The following EVX1 variants were observed in gnomAD, a reference collection of about 807,000 sequenced individuals.
The protein encoded by EVX1 is even-skipped homeobox 1.
EVX1 carries 19 observed loss-of-function variants against 28.6 expected under a neutral mutation model. The ratio of observed to expected loss-of-function variants is 0.67; its 90% confidence interval spans 0.46 to 0.98. The LOEUF is 0.98. Ranked by LOEUF, EVX1 falls within the 50% of genes least tolerant of loss-of-function variation. The pLI is 0.00. For missense variants in EVX1, 660 were observed against 583.0 expected, an observed-to-expected ratio of 1.13 and a Z score of -1.36; for synonymous variants, 324 against 278.2, an observed-to-expected ratio of 1.16 and a Z score of -1.64.
Position 27,246,198 on chromosome 7 carries a change from C to G in EVX1, c.997C>G (p.Pro333Ala). 9 of 1,498,274 alleles carry G rather than the reference C, an allele frequency of 6.0e-6. No individual in the cohort carries two copies. The highest frequency in any genetic ancestry group is 7.9e-6 in the Non-Finnish European group (9 of 1,133,802). The allele number at this position is 1,498,274 out of a possible 1,614,324, so 92.8% of individuals were successfully genotyped here. A position where few individuals can be genotyped will look rare whatever the true frequency, so the allele number is the denominator to read the frequency against. The change falls in exon 3 of 3, where the codon CCC becomes GCC. Residue 333 changes from proline to alanine, a missense_variant. Transcript: ENST00000496902. ...LCAFRHPPLY[P>A]GPAHGLGASA... is the part of the protein sequence containing the mutation. Reference sequence around the variant, plus strand: ...CGCCTTCCGCCACCCGCCGCTCTACCCCGGGCCCGCGCACGGACTGGGCGC... The same window carrying G: ...CGCCTTCCGCCACCCGCCGCTCTACGCCGGGCCCGCGCACGGACTGGGCGC...
Position 27,246,133 on chromosome 7 carries a change from G to T in EVX1, c.932G>T (p.Arg311Leu), listed in dbSNP as rs760694492. ...SGSLRPLDTFRVLSQPYPRPE... is the reference protein window; with the variant it reads ...SGSLRPLDTFLVLSQPYPRPE... ...TCGCTGCGCCCGCTCGACACGTTCC[G>T]CGTGCTGTCGCAGCCCTACCCGCGG... Residue 311 changes from arginine to leucine, a missense_variant, in exon 3 of 3, where the codon CGC (arginine) becomes CTC (leucine). Arg to Leu is a moderately radical substitution (Grantham distance 102, BLOSUM62 -2). Coordinates refer to ENST00000496902, the MANE Select transcript of EVX1 (RefSeq NM_001989.5). The T allele has an allele frequency of 9.8e-6, 15 of 1,530,482 alleles. No individual in the cohort carries two copies. In the African/African-American group the frequency reaches 2.0e-4, roughly 20 times the overall value. 94.8% of individuals were successfully genotyped at this position (1,530,482 alleles called of 1,614,324 possible). A position where few individuals can be genotyped will look rare whatever the true frequency, so the allele number is the denominator to read the frequency against.
Position 27,242,915 on chromosome 7 carries a change from A to AC in EVX1, c.-113dup, listed in dbSNP as rs1285988427. ...CCAGCAGCTCCGCGCCCTCCCAGGC[A>AC]CCCGGCCTTTCTTTCTCCCTCTTGC... On this transcript the variant is annotated 5_prime_UTR_variant, in exon 1 of 3. Coordinates refer to ENST00000496902, the MANE Select transcript of EVX1 (RefSeq NM_001989.5). 1 of 1,192,842 alleles carries AC rather than the reference A, an allele frequency of 8.4e-7. No individual in the cohort carries two copies. Among genetic ancestry groups the AC allele is most frequent in the Admixed American group, 3.2e-5 (1 of 30,984 alleles). 73.9% of individuals were successfully genotyped at this position (1,192,842 alleles called of 1,614,324 possible).
chr7:27,244,284 G>A (rs1783107809), intron 1 of EVX1, among the ~76,000 whole-genome samples: 1 of 152,036 alleles, frequency 6.6e-6, no homozygotes, highest in African/African-American at 2.4e-5. Context: ...AGAAAACTGG[G>A]CGCGGGTTGG....
chr7:27,244,564 A>C (rs1309052618), intron 1 of EVX1: 1 of 894,586 alleles, frequency 1.1e-6, no homozygotes, highest in Non-Finnish European at 1.3e-6. Context: ...CAGCCCTGCA[A>C]TACACGGAAC....
chr7:27,243,310 C>T lies in EVX1; in HGVS notation c.280C>T (p.Pro94Ser). ...PQVAGAAMLG[P>S]GPPAPSVDSL... ...GGTAGCTGGGGCGGCCATGCTCGGC[C>T]CAGGACCCCCGGCCCCCTCAGTCGA... The change falls in exon 1 of 3, where the codon CCA becomes TCA. Residue 94 changes from proline to serine, a missense_variant. Around this residue, in one of 3 missense-constraint regions of EVX1, gnomAD observed 308 missense variants for 256.6 expected, o/e 1.20. Transcript: ENST00000496902. 2 of 1,573,820 alleles carry T rather than the reference C, an allele frequency of 1.3e-6. No individual in the cohort carries two copies. The highest frequency in any genetic ancestry group is 2.3e-5 in the South Asian group (2 of 86,986).
Position 27,244,298 on chromosome 7 carries a change from G to C in EVX1, c.428-750G>C, listed in dbSNP as rs546499506. Among the ~76,000 whole-genome samples, 53 of 152,212 alleles carry C rather than the reference G, an allele frequency of 3.5e-4. No homozygotes were observed. In the East Asian group the frequency reaches 7.0e-3, roughly 20 times the overall value. On this transcript the variant is annotated intron_variant, in intron 1 of 2. Coordinates refer to ENST00000496902, the MANE Select transcript of EVX1 (RefSeq NM_001989.5). ...TAGAAAACTGGGCGCGGGTTGGTGG[G>C]GGGGAGGAGAGGGGAGCCCACCAGC...
At chr7:27,245,825 T>C in intron 2 of EVX1, 61 bp from the exon 3 acceptor site, 1 of 1,569,930 alleles carries the variant, frequency 6.4e-7, no homozygotes, top group Non-Finnish European at 8.6e-7. Flanking sequence ...GGGACCAGAC[T>C]ACTGGCCTCT....
At chr7:27,244,343 T>C (rs1187721384) in intron 1 of EVX1, 1 of 204,550 alleles carries the variant, frequency 4.9e-6, no homozygotes, top group Non-Finnish European at 8.2e-6. Flanking sequence ...TCCACAGAAC[T>C]GTAGGAGTGG....
Position 27,243,187 on chromosome 7 carries a change from G to T in EVX1, c.157G>T (p.Val53Phe), listed in dbSNP as rs1291289182. 1.7e-5 allele frequency: 27 copies of T among 1,567,004 alleles called. No individual in the cohort carries two copies. The highest frequency in any genetic ancestry group is 2.3e-5 in the Non-Finnish European group (27 of 1,156,194). Residue 53 changes from valine (V) to phenylalanine (F), a missense_variant, in exon 1 of 3, where the codon GTC becomes TTC. By Grantham distance (50) the Val-to-Phe change is conservative. Coordinates refer to ENST00000496902, the MANE Select transcript of EVX1 (RefSeq NM_001989.5). ...CCGTGGTTGCCTGAGCCCTCGGGCC[G>T]TCCCTCCGGCCACCCGGGAGCGCGG... ...VPRGCLSPRA[V>F]PPATRERGGG...
chr7:27,246,081 T>G lies in EVX1; in HGVS notation c.880T>G (p.Ser294Ala), dbSNP rs1293078563. The G allele has an allele frequency of 1.3e-6, 2 of 1,572,166 alleles. No individual in the cohort carries two copies. Among genetic ancestry groups the G allele is most frequent in the Admixed American group, 1.8e-5 (1 of 56,986 alleles). Reference sequence around the variant, plus strand: ...GGGCCTGGGCGCCGCATCCGCCGCCTCCGCCGCCGCCTCGCCCTTCAGCGG... The same window carrying G: ...GGGCCTGGGCGCCGCATCCGCCGCCGCCGCCGCCGCCTCGCCCTTCAGCGG... ...PVGLGAASAA[S>A]AAASPFSGSL... Residue 294 changes from serine (S) to alanine (A), a missense_variant, in exon 3 of 3, where the codon TCC (serine) becomes GCC (alanine). Ser to Ala is a moderately conservative substitution (Grantham distance 99). Transcript: ENST00000496902.
rs17473025 is a variant in EVX1, at chr7:27,247,262, G to C, written c.*837G>C. 1 of 152,204 alleles carries C rather than the reference G, an allele frequency of 6.6e-6. No homozygotes were observed. The highest frequency in any genetic ancestry group is 6.5e-5 in the Admixed American group (1 of 15,278). 9.4% of individuals were successfully genotyped at this position (152,204 alleles called of 1,614,324 possible). ...ACCCTGATTAGCAAGTGATGTGTGCGAGGAGGGTTTGTGAATGTTGAATGT... is the reference window on the plus strand; with the variant it reads ...ACCCTGATTAGCAAGTGATGTGTGCCAGGAGGGTTTGTGAATGTTGAATGT... On this transcript the variant is annotated 3_prime_UTR_variant, in exon 3 of 3. Transcript: ENST00000496902.
chr7:27,244,318 A>T (rs1358637391), intron 1 of EVX1: 2 of 168,864 alleles, frequency 1.2e-5, no homozygotes, highest in Non-Finnish European at 2.3e-5. Context: ...AGGGGAGCCC[A>T]CCAGCAGACA....
chr7:27,243,114 C>A lies in EVX1; in HGVS notation c.84C>A (p.Ser28=). ...TTGGCAAGAGAGTCTCAAATTTGTC[C>A]GAAGCCGTGGGCAGCCCGCTGCCGG... is the stretch of plus-strand genomic sequence containing the variant. ...TLVGKRVSNL[S]EAVGSPLPEP... is the part of the protein sequence containing the mutation. Residue 28 remains serine (S), a synonymous_variant, in exon 1 of 3, where the codon TCC becomes TCA. Transcript: ENST00000496902. 6.2e-7 allele frequency: 1 copy of A among 1,611,644 alleles called. No homozygotes were observed. The highest frequency in any genetic ancestry group is 2.2e-5 in the East Asian group (1 of 44,760).
chr7:27,244,375 G>C (rs905263674), intron 1 of EVX1: 1 of 388,614 alleles, frequency 2.6e-6, no homozygotes, highest in South Asian at 1.1e-4. Context: ...CTGGGGGCGG[G>C]GGGGAGAAAG....
rs185614424 is a variant in EVX1, at chr7:27,244,902, G to A, written c.428-146G>A. 4.6e-5 allele frequency: 60 copies of A among 1,296,126 alleles called. No homozygotes were observed. The Admixed American group carries it at 1.3e-3, about 29-fold the overall frequency. 80.3% of individuals were successfully genotyped at this position (1,296,126 alleles called of 1,614,324 possible). ...TCCCTTCTTGGGTTCCCCAGAGGCC[G>A]CAGTACCCTAGCAGAAACAGTTACT... On this transcript the variant is annotated intron_variant, in intron 1 of 2. Transcript: ENST00000496902.
chr7:27,244,631 C>T (rs1037756762), intron 1 of EVX1: 7 of 373,322 alleles, frequency 1.9e-5, no homozygotes, highest in Non-Finnish European at 2.8e-5. Flanking sequence ...AGCAAGGAAA[C>T]TCTCTGAATG....
chr7:27,243,413 C>A lies in EVX1; in HGVS notation c.383C>A (p.Thr128Asn). Residue 128 changes from threonine (T) to asparagine (N), a missense_variant, in exon 1 of 3, where the codon ACC becomes AAC. Thr to Asn is a moderately conservative substitution (Grantham distance 65, BLOSUM62 0). This residue lies in a region of EVX1 where 308 missense variants were observed against 256.6 expected (regional missense o/e 1.20). Transcript: ENST00000496902. Reference sequence around the variant, plus strand: ...TATGAAGAAATCGAGGTGAGCTGCACCCCGGACTGCGCCACCGGGAACGCC... The same window carrying A: ...TATGAAGAAATCGAGGTGAGCTGCAACCCGGACTGCGCCACCGGGAACGCC... ...DFYEEIEVSC[T>N]PDCATGNAEY... The A allele has an allele frequency of 6.2e-7, 1 of 1,610,514 alleles. No homozygotes were observed. Among genetic ancestry groups the A allele is most frequent in the Non-Finnish European group, 8.5e-7 (1 of 1,179,054 alleles).
At position 27,244,268 on chromosome 7, in the gene EVX1, G is replaced by A. The variant is rs191524274; in HGVS notation, c.428-780G>A. ...TGTGCCAACAATCACCTCCCCAGAA[G>A]GGGGTAGAAAACTGGGCGCGGGTTG... On this transcript the variant is annotated intron_variant, in intron 1 of 2. Transcript: ENST00000496902. Among the ~76,000 whole-genome samples, 1,215 of 152,256 alleles carry A rather than the reference G, an allele frequency of 8.0e-3. 6 individuals carry two copies. Among genetic ancestry groups the A allele is most frequent in the Non-Finnish European group, 0.012 (850 of 68,014 alleles).
chr7:27,244,119 G>T (rs892595153), intron 1 of EVX1, among the ~76,000 whole-genome samples: 5 of 152,244 alleles, frequency 3.3e-5, no homozygotes, highest in African/African-American at 1.2e-4. Flanking sequence ...AAAAGGAGCT[G>T]CAGGGGGCTG....
Sources: gnomAD v4.1 joint callset for allele counts (sites outside exome capture counted in the v4.1 genomes callset) on GRCh38, gnomAD v4.1.1 for gene constraint, gnomAD v4.1.1 regional missense constraint, MANE v1.5 for transcripts, NCBI Gene and HGNC (gene_info 2026-07-23, HGNC 2026-07-21) for gene names.